Variants in MYRF observed in about 807,000 individuals in gnomAD.
MYRF encodes the protein myelin gene regulatory factor.
In MYRF, 16 loss-of-function variants were observed where a neutral mutation model predicts 126.3. The observed-to-expected ratio is 0.13, with a 90% CI of 0.09 to 0.19. The LOEUF is 0.19. MYRF is among the 10% of genes least tolerant of loss of function. MYRF has a pLI of 1.00. For missense variants in MYRF, 1,104 were observed against 1,547.0 expected, an observed-to-expected ratio of 0.71 and a Z score of 4.80; for synonymous variants, 608 against 635.3, an observed-to-expected ratio of 0.96 and a Z score of 0.65.
In MYRF at chr11:61,779,271, C is replaced by T. The variant is rs770075293; in HGVS notation, c.2022C>T (p.Ile674=). ...CCCATGGCCCATGGCAGGAGCGCAT[C>T]TTCATGGAGAACGTAGGGGCCGTGA... The part of the protein sequence containing the change: ...ENFLVVNKER[I]FMENVGAVKE... Residue 674 remains isoleucine (I), a synonymous_variant, in exon 15 of 27, where the codon ATC becomes ATT. Coordinates refer to ENST00000278836, the MANE Select transcript of MYRF (RefSeq NM_001127392.3). 1.3e-6 allele frequency: 2 copies of T among 1,543,192 alleles called. No homozygotes were observed. Among genetic ancestry groups the T allele is most frequent in the South Asian group, 1.2e-5 (1 of 84,016 alleles).
intron 1 of MYRF, among the ~76,000 whole-genome samples, chr11:61,763,232 ATCC>A (rs1400708195): frequency 3.3e-5 from 5 of 152,268 alleles, no homozygotes; most frequent in Admixed American, 3.3e-4. Context: ...CCTGGTTGGA[ATCC>A]TCCTTGCCAT....
chr11:61,770,098 C>T (rs536525391), intron 4 of MYRF, 148 bp from the exon 5 acceptor site: 9 of 743,082 alleles, frequency 1.2e-5, no homozygotes, highest in African/African-American at 5.4e-5. Flanking sequence ...GGCTGACCAA[C>T]GGCCCTCCCA....
At chr11:61,762,708 G>A (rs1262836523) in intron 1 of MYRF, among the ~76,000 whole-genome samples, 1 of 152,154 alleles carries the variant, frequency 6.6e-6, no homozygotes, top group Non-Finnish European at 1.5e-5. Flanking sequence ...GGGGCCGAGC[G>A]GCGTGGGAAA....
intron 19 of MYRF, 51 bp from the exon 20 acceptor site, chr11:61,780,909 C>T: frequency 3.7e-6 from 6 of 1,602,034 alleles, no homozygotes; most frequent in Non-Finnish European, 5.1e-6. Context: ...CAGGCCCTCT[C>T]CCCTCAAGCT....
chr11:61,763,189 T>C (rs551367270), intron 1 of MYRF, among the ~76,000 whole-genome samples: 207 of 152,320 alleles, frequency 1.4e-3, no homozygotes, highest in African/African-American at 4.6e-3. Context: ...CAACCGCCAG[T>C]CACACTCTCC....
chr11:61,778,779 G>A lies in MYRF; in HGVS notation c.2013+290G>A, dbSNP rs2066458324. On this transcript the variant is annotated intron_variant, in intron 14 of 26. Transcript: ENST00000278836. This position sits in a 1 kb window ranked among gnomAD's most constrained non-coding sequence, Gnocchi z 4.6. The stretch of plus-strand genomic sequence containing the variant: ...GTAAAATGAGGGCGGTAATAGAACT[G>A]CACAGACATCCTCGTATGGTTACCT... 1 of 594,492 alleles carries A rather than the reference G, an allele frequency of 1.7e-6. No homozygotes were observed. Among genetic ancestry groups the A allele is most frequent in the African/African-American group, 1.8e-5 (1 of 54,930 alleles). The allele number at this position is 594,492 out of a possible 1,614,324, so 36.8% of individuals were successfully genotyped here.
intron 8 of MYRF, among the ~76,000 whole-genome samples, chr11:61,775,593 G>C (rs578022982): frequency 6.6e-6 from 1 of 152,282 alleles, no homozygotes; most frequent in East Asian, 1.9e-4. Flanking sequence ...TGGAGGAGTA[G>C]AGGAGACGTG....
chr11:61,766,178 G>A lies in MYRF; in HGVS notation c.355G>A (p.Gly119Arg), dbSNP rs747274934. 8.1e-6 allele frequency: 13 copies of A among 1,611,718 alleles called. No homozygotes were observed. The highest frequency in any genetic ancestry group is 6.7e-5 in the East Asian group (3 of 44,856). Residue 119 changes from glycine (G) to arginine (R), a missense_variant, in exon 3 of 27, where the codon GGG becomes AGG. By Grantham distance (125) the Gly-to-Arg change is moderately radical. Transcript: ENST00000278836. ...AAPKPFPGGT[G>R]PPIKAEPKAP... ...CCCCAAGCCCTTCCCGGGGGGCACC[G>A]GGCCCCCCATCAAGGCTGAGCCCAA...
intron 1 of MYRF, chr11:61,755,668 T>G (rs2065731073): frequency 1.4e-6 from 1 of 710,468 alleles, no homozygotes; most frequent in Non-Finnish European, 2.6e-6. Context: ...GAGAAGAACC[T>G]CAGCTCTGAA....
intron 3 of MYRF, among the ~76,000 whole-genome samples, chr11:61,768,131 AAAG>A (rs2066115707): frequency 6.6e-6 from 1 of 151,908 alleles, no homozygotes; most frequent in Admixed American, 6.6e-5. Flanking sequence ...AAAAAAAAAA[AAAG>A]AAAGAAAAGA....
At position 61,781,337 on chromosome 11, in the gene MYRF, T is replaced by C; in HGVS notation, c.2764+8T>C. On this transcript the variant is annotated splice_region_variant and intron_variant, in intron 21 of 26. Coordinates refer to ENST00000278836, the MANE Select transcript of MYRF (RefSeq NM_001127392.3). ...CCAGCACCAACCGCTCAGGTAAGGC[T>C]TTCTGTGGGCTGGGGCTTGGGGCGG... 1 of 1,612,658 alleles carries C rather than the reference T, an allele frequency of 6.2e-7. No individual in the cohort carries two copies.
In MYRF at chr11:61,777,914, CCT is replaced by C. The variant is rs1232110004; in HGVS notation, c.1903+70_1903+71del. The C allele has an allele frequency of 8.9e-6, 11 of 1,240,850 alleles. No homozygotes were observed. Among genetic ancestry groups the C allele is most frequent in the Non-Finnish European group, 1.3e-5 (11 of 873,288 alleles). The allele number at this position is 1,240,850 out of a possible 1,614,324, so 76.9% of individuals were successfully genotyped here. A position where few individuals can be genotyped will look rare whatever the true frequency, so the allele number is the denominator to read the frequency against. On this transcript the variant is annotated intron_variant, in intron 13 of 26. Transcript: ENST00000278836. This position sits in a 1 kb window ranked among gnomAD's most constrained non-coding sequence, Gnocchi z 8.8. ...ACCTCGGGCCTCAGTGACCTTGCCCCCTGTCACCTGGAAATCCTACTCCTCTT... is the reference window on the plus strand; with the variant it reads ...ACCTCGGGCCTCAGTGACCTTGCCCCGTCACCTGGAAATCCTACTCCTCTT...
chr11:61,771,976 A>G, intron 7 of MYRF, 24 bp downstream of exon 7: 1 of 1,610,884 alleles, frequency 6.2e-7, no homozygotes, highest in Non-Finnish European at 8.5e-7. Flanking sequence ...AACACTCCCC[A>G]CTCCTCCAGG....
Position 61,783,598 on chromosome 11 carries a change from C to T in MYRF, c.3117C>T (p.Cys1039=). The change falls in exon 23 of 27, where the codon TGC becomes TGT. Residue 1039 remains cysteine (C), a splice_region_variant and synonymous_variant. Transcript: ENST00000278836. This position sits in a 1 kb window ranked among gnomAD's most constrained non-coding sequence, Gnocchi z 4.6. ...AGTACTGTGCTCCAGGGGATGCCTG[C>T]AGGTGGGCTGGGCTCCCTCCCCTCA... ...TSQYCAPGDA[C]RPGNFTYHIP... is the part of the protein sequence containing the mutation. The T allele has an allele frequency of 6.2e-7, 1 of 1,612,840 alleles. No individual in the cohort carries two copies. Among genetic ancestry groups the T allele is most frequent in the Non-Finnish European group, 8.5e-7 (1 of 1,179,390 alleles).
rs544011389 is a variant in MYRF, at chr11:61,757,487, A to T, written c.46+4697A>T. On this transcript the variant is annotated intron_variant, in intron 1 of 26. Coordinates refer to ENST00000278836, the MANE Select transcript of MYRF (RefSeq NM_001127392.3). This position sits in a 1 kb window ranked among gnomAD's most constrained non-coding sequence, Gnocchi z 4.7. ...GTCCATGGCAGGTGTTCTGCGCCCT[A>T]CCTTGAAGATTACTGGTCCCCAGGG... 1 of 456,226 alleles carries T rather than the reference A, an allele frequency of 2.2e-6. No individual in the cohort carries two copies. Among genetic ancestry groups the T allele is most frequent in the African/African-American group, 2.0e-5 (1 of 50,096 alleles). 28.3% of individuals were successfully genotyped at this position (456,226 alleles called of 1,614,324 possible).
chr11:61,774,620 G>T (rs1247941412), intron 8 of MYRF, among the ~76,000 whole-genome samples: 1 of 134,290 alleles, frequency 7.4e-6, no homozygotes, highest in Non-Finnish European at 1.6e-5. Context: ...CCGCCCTCCC[G>T]CCTTTTATCC....
chr11:61,776,977 C>A lies in MYRF; in HGVS notation c.1590+100C>A. 9.4e-7 allele frequency: 1 copy of A among 1,058,436 alleles called. No individual in the cohort carries two copies. The highest frequency in any genetic ancestry group is 1.4e-6 in the Non-Finnish European group (1 of 736,120). 65.6% of individuals were successfully genotyped at this position (1,058,436 alleles called of 1,614,324 possible). A position where few individuals can be genotyped will look rare whatever the true frequency, so the allele number is the denominator to read the frequency against. ...GTACTGAGAGTCAGGAGTGGGCATG[C>A]TCATCCTGCTAGGCACTGGCTGTGT... is the stretch of plus-strand genomic sequence containing the variant. On this transcript the variant is annotated intron_variant, in intron 11 of 26. Transcript: ENST00000278836. This position sits in a 1 kb window ranked among gnomAD's most constrained non-coding sequence, Gnocchi z 4.3.
Position 61,780,768 on chromosome 11 carries a change from G to C in MYRF, c.2462G>C (p.Gly821Ala), listed in dbSNP as rs1307523438. Reference protein sequence around the residue: ...LLALLRPQPPGGSEALCPWSS... With the variant: ...LLALLRPQPPAGSEALCPWSS... Reference sequence around the variant, plus strand: ...GCCCTGCTCCGGCCCCAGCCCCCTGGGGGGAGTGAGGCCTTGTGCCCATGG... The same window carrying C: ...GCCCTGCTCCGGCCCCAGCCCCCTGCGGGGAGTGAGGCCTTGTGCCCATGG... The change falls in exon 19 of 27, where the codon GGG becomes GCG. Residue 821 changes from glycine (G) to alanine (A), a missense_variant. By Grantham distance (60) the Gly-to-Ala change is moderately conservative. Around this residue, in one of 10 missense-constraint regions of MYRF, gnomAD observed 323 missense variants for 383.1 expected, o/e 0.84. Transcript: ENST00000278836. 1 of 1,546,976 alleles carries C rather than the reference G, an allele frequency of 6.5e-7. No individual in the cohort carries two copies. The highest frequency in any genetic ancestry group is 2.4e-5 in the East Asian group (1 of 41,020).
At position 61,781,626 on chromosome 11, in the gene MYRF, G is replaced by A. The variant is rs769623501; in HGVS notation, c.2818G>A (p.Gly940Ser). 1.2e-6 allele frequency: 2 copies of A among 1,613,900 alleles called. No homozygotes were observed. The highest frequency in any genetic ancestry group is 4.5e-5 in the East Asian group (2 of 44,878). Residue 940 changes from glycine (G) to serine (S), a missense_variant, in exon 22 of 27, where the codon GGT (glycine) becomes AGT (serine). Physicochemically the swap from Gly to Ser is moderately conservative, Grantham distance 56. This residue lies in a region of MYRF where 323 missense variants were observed against 383.1 expected (regional missense o/e 0.84). Transcript: ENST00000278836. ...PVTNIRAKSW[G>S]LSVNGIGHSK... ...CACCAACATCAGAGCCAAGTCCTGG[G>A]GTCTTTCAGTCAATGGCATTGGCCA...
Sources: allele counts gnomAD v4.1 joint callset (sites outside exome capture counted in the v4.1 genomes callset), GRCh38; gene constraint gnomAD v4.1.1; regional missense constraint gnomAD v4.1.1; non-coding constraint Gnocchi (gnomAD v3.1); transcripts MANE v1.5; gene names NCBI Gene and HGNC (gene_info 2026-07-23, HGNC 2026-07-21).